ZYX: variants seen among roughly 807,000 people sequenced by gnomAD.
ZYX encodes the protein zyxin-2.
A neutral mutation model predicts 58.1 loss-of-function variants in ZYX; 37 were observed. The observed-to-expected ratio is 0.64, with a 90% CI of 0.49 to 0.84. The LOEUF is 0.84. ZYX is among the 40% of genes least tolerant of loss of function. The pLI is 0.00. For missense variants in ZYX, 762 were observed against 761.6 expected (o/e 1.00, Z -0.01); for synonymous variants, 324 against 321.1 (o/e 1.01, Z -0.10).
In ZYX at chr7:143,382,284, G is replaced by T. The variant is rs1804643369; in HGVS notation, c.245G>T (p.Gly82Val). 1 of 1,612,744 alleles carries T rather than the reference G, an allele frequency of 6.2e-7. No homozygotes were observed. The highest frequency in any genetic ancestry group is 1.3e-5 in the African/African-American group (1 of 74,854). Residue 82 changes from glycine (G) to valine (V), a missense_variant, in exon 3 of 10, where the codon GGC (glycine) becomes GTC (valine). Coordinates refer to ENST00000322764, the MANE Select transcript of ZYX (RefSeq NM_003461.5). ...CCTCCACCTCCCCTTGCTGGGGATG[G>T]CGACGATGCAGAGGGTGCTCTGGGA... ...PLPPPPLAGD[G>V]DDAEGALGGA...
At position 143,387,753 on chromosome 7, in the gene ZYX, C is replaced by G; in HGVS notation, c.1024-466C>G. Reference sequence around the variant, plus strand: ...AATTCCTGCCTGTGTTGTATCCTCACGCTGACAGGGGCTGCTCAGCAGCAG... The same window carrying G: ...AATTCCTGCCTGTGTTGTATCCTCAGGCTGACAGGGGCTGCTCAGCAGCAG... On this transcript the variant is annotated intron_variant, in intron 5 of 9. Transcript: ENST00000322764. The surrounding 1 kb of genome is among the most constrained non-coding windows in gnomAD (Gnocchi z 5.8). 3 of 471,822 alleles carry G rather than the reference C, an allele frequency of 6.4e-6. No individual in the cohort carries two copies. The highest frequency in any genetic ancestry group is 1.5e-5 in the South Asian group (1 of 64,574). The allele number at this position is 471,822 out of a possible 1,614,324, so 29.2% of individuals were successfully genotyped here.
chr7:143,383,557 G>T (rs1161597062), intron 5 of ZYX, among the ~76,000 whole-genome samples: 1 of 152,002 alleles, frequency 6.6e-6, no homozygotes, highest in Non-Finnish European at 1.5e-5. Flanking sequence ...TGGCTGGGAC[G>T]GCGCAGAGAG....
Position 143,381,414 on chromosome 7 carries a change from G to A in ZYX, c.-16+5G>A, listed in dbSNP as rs1804563145. The A allele has an allele frequency of 3.2e-6, 4 of 1,238,792 alleles. No individual in the cohort carries two copies. Among genetic ancestry groups the A allele is most frequent in the Non-Finnish European group, 4.0e-6 (4 of 990,224 alleles). 76.7% of individuals were successfully genotyped at this position (1,238,792 alleles called of 1,614,324 possible). On this transcript the variant is annotated splice_donor_5th_base_variant and intron_variant, in intron 1 of 9. Coordinates refer to ENST00000322764, the MANE Select transcript of ZYX (RefSeq NM_003461.5). The stretch of plus-strand genomic sequence containing the variant: ...GCGCGCACGCTCCGGCCTGCGGTGA[G>A]GCGCGGGGAGCGGCAGGGCGGCCCC...
Position 143,381,701 on chromosome 7 carries a change from A to G in ZYX, c.130A>G (p.Ser44Gly), listed in dbSNP as rs745914023. 1 of 1,605,568 alleles carries G rather than the reference A, an allele frequency of 6.2e-7. No homozygotes were observed. The highest frequency in any genetic ancestry group is 2.3e-5 in the East Asian group (1 of 44,384). Reference sequence around the variant, plus strand: ...AGTGAATCCCTTCCGGCCCGGGGACAGCGAGCCTCCCCCGGCACCCGGGGC... The same window carrying G: ...AGTGAATCCCTTCCGGCCCGGGGACGGCGAGCCTCCCCCGGCACCCGGGGC... ...PKVNPFRPGD[S>G]EPPPAPGAQR... The change falls in exon 2 of 10, where the codon AGC (serine) becomes GGC (glycine). Residue 44 changes from serine (S) to glycine (G), a missense_variant. Transcript: ENST00000322764.
Position 143,387,285 on chromosome 7 carries a change from G to C in ZYX, c.1024-934G>C, listed in dbSNP as rs1353465918. On this transcript the variant is annotated intron_variant, in intron 5 of 9. Coordinates refer to ENST00000322764, the MANE Select transcript of ZYX (RefSeq NM_003461.5). The surrounding 1 kb of genome is among the most constrained non-coding windows in gnomAD (Gnocchi z 5.8). ...TGAAGCCAGGGCTGAGGGGAGAGGG[G>C]CTATGGGAGGAGGTAGCAGGGGGGC... Among the ~76,000 whole-genome samples the C allele has an allele frequency of 1.3e-5, 2 of 152,094 alleles. No individual in the cohort carries two copies. The highest frequency in any genetic ancestry group is 4.8e-5 in the African/African-American group (2 of 41,394).
At chr7:143,383,947 T>A (rs1054035455) in intron 5 of ZYX, 1 of 253,602 alleles carries the variant, frequency 3.9e-6, no homozygotes, top group Non-Finnish European at 8.0e-6. Flanking sequence ...AGCCTCAGTT[T>A]CTCAATCTTT....
intron 2 of ZYX, 171 bp downstream of exon 2, chr7:143,381,950 G>T (rs1467968504): frequency 9.6e-6 from 7 of 729,128 alleles, no homozygotes; most frequent in Middle Eastern, 3.9e-4. Flanking sequence ...GGGAGCCAGG[G>T]CTCCTGGGAC....
At position 143,382,661 on chromosome 7, in the gene ZYX, C is replaced by G. The variant is rs930185841; in HGVS notation, c.477C>G (p.Thr159=). The G allele has an allele frequency of 6.2e-7, 1 of 1,614,012 alleles. No individual in the cohort carries two copies. Among genetic ancestry groups the G allele is most frequent in the Non-Finnish European group, 8.5e-7 (1 of 1,179,970 alleles). The stretch of plus-strand genomic sequence containing the variant: ...TGTCCTCACTGCTGGATGACATGAC[C>G]AAGAATGATCCTTTCAAAGCCCGGG... ...DSLSSLLDDM[T]KNDPFKARVS... The change falls in exon 4 of 10, where the codon ACC becomes ACG. Residue 159 remains threonine (T), a synonymous_variant. Transcript: ENST00000322764.
rs1290865440 is a variant in ZYX at position 143,383,227 on chromosome 7, C to G, written c.928C>G (p.Gln310Glu). 2 of 1,614,078 alleles carry G rather than the reference C, an allele frequency of 1.2e-6. No individual in the cohort carries two copies. The highest frequency in any genetic ancestry group is 2.7e-5 in the African/African-American group (2 of 74,936). The change falls in exon 5 of 10, where the codon CAA (glutamine) becomes GAA (glutamate). Residue 310 changes from glutamine to glutamate, a missense_variant. Transcript: ENST00000322764. The stretch of plus-strand genomic sequence containing the variant: ...TCTTTCTGCTGGCACAGGCTCCCCT[C>G]AACCTCCCAGCTTCACCTATGCCCA... The part of the protein sequence containing the change: ...EALSAGTGSP[Q>E]PPSFTYAQQR...
At chr7:143,381,864 G>A in intron 2 of ZYX, 85 bp downstream of exon 2, 1 of 1,326,846 alleles carries the variant, frequency 7.5e-7, no homozygotes, top group East Asian at 2.5e-5. Context: ...TGTCTGGAAA[G>A]GTTGTTGCCG....
In ZYX at chr7:143,381,765, C is replaced by T. The variant is rs1351154192; in HGVS notation, c.194C>T (p.Pro65Leu). 1.9e-6 allele frequency: 3 copies of T among 1,577,096 alleles called. No homozygotes were observed. The South Asian group carries it at 3.4e-5, about 18-fold the overall frequency. ...AQMGRVGEIP[P>L]PPPEDFPLPP... ...ATGGGCCGGGTGGGCGAGATTCCCCCGCCGCCCCCGGAAGGTATGCGGCGG... is the reference window on the plus strand; with the variant it reads ...ATGGGCCGGGTGGGCGAGATTCCCCTGCCGCCCCCGGAAGGTATGCGGCGG... Residue 65 changes from proline to leucine, a missense_variant, in exon 2 of 10, where the codon CCG becomes CTG. By Grantham distance (98) the Pro-to-Leu change is moderately conservative. Coordinates refer to ENST00000322764, the MANE Select transcript of ZYX (RefSeq NM_003461.5).
At position 143,390,207 on chromosome 7, in the gene ZYX, G is replaced by A; in HGVS notation, c.1614+230G>A. On this transcript the variant is annotated intron_variant, in intron 9 of 9. Coordinates refer to ENST00000322764, the MANE Select transcript of ZYX (RefSeq NM_003461.5). The surrounding 1 kb of genome is among the most constrained non-coding windows in gnomAD (Gnocchi z 4.3). ...TTGAGTCATGGATAAGCCAAGAAAT[G>A]GGACAAGCCAATAGGAGAGAAGAAG... 1.7e-6 allele frequency: 1 copy of A among 584,160 alleles called. No individual in the cohort carries two copies. The highest frequency in any genetic ancestry group is 3.0e-6 in the Non-Finnish European group (1 of 333,314). The allele number at this position is 584,160 out of a possible 1,614,324, so 36.2% of individuals were successfully genotyped here.
At chr7:143,385,575 CACAT>C (rs1339646096) in intron 5 of ZYX, among the ~76,000 whole-genome samples, 5 of 148,366 alleles carry the variant, frequency 3.4e-5, no homozygotes, top group South Asian at 2.2e-4. Context: ...AGTGAAGGTG[CACAT>C]ACATACTTTC....
Position 143,382,825 on chromosome 7 carries a change from C to T in ZYX, c.526C>T (p.Pro176Ser). The change falls in exon 5 of 10, where the codon CCA becomes TCA. Residue 176 changes from proline to serine, a missense_variant. Transcript: ENST00000322764. ...GGTGTCATCTGGATATGTGCCCCCA[C>T]CAGTGGCCACTCCATTCAGTTCCAA... ...ARVSSGYVPP[P>S]VATPFSSKSS... The T allele has an allele frequency of 1.2e-6, 2 of 1,606,782 alleles. No individual in the cohort carries two copies. Among genetic ancestry groups the T allele is most frequent in the Non-Finnish European group, 1.7e-6 (2 of 1,176,006 alleles).
At position 143,383,133 on chromosome 7, in the gene ZYX, C is replaced by T. The variant is rs148003080; in HGVS notation, c.834C>T (p.Ser278=). The T allele has an allele frequency of 6.2e-7, 1 of 1,614,100 alleles. No individual in the cohort carries two copies. Among genetic ancestry groups the T allele is most frequent in the African/African-American group, 1.3e-5 (1 of 74,924 alleles). The change falls in exon 5 of 10, where the codon TCC becomes TCT. Residue 278 remains serine (S), a synonymous_variant. Transcript: ENST00000322764. The part of the protein sequence containing the change: ...PVTPKFTPVA[S]KFSPGAPGGS... ...CTCCTAAGTTTACTCCTGTGGCTTC[C>T]AAGTTCAGTCCTGGAGCCCCAGGTG...
chr7:143,382,044 C>A, intron 2 of ZYX: 2 of 604,976 alleles, frequency 3.3e-6, no homozygotes, highest in Non-Finnish European at 5.7e-6. Flanking sequence ...CGAAGTGTAA[C>A]GGGAGCTGCA....
At chr7:143,383,453 A>G (rs2116567115) in intron 5 of ZYX, 131 bp downstream of exon 5, 1 of 1,186,796 alleles carries the variant, frequency 8.4e-7, no homozygotes, top group African/African-American at 1.5e-5. Context: ...GCGGGATAGG[A>G]ATTTTCATCC....
Position 143,389,034 on chromosome 7 carries a change from A to G in ZYX, c.1493+89A>G, listed in dbSNP as rs1804974612. The G allele has an allele frequency of 6.9e-7, 1 of 1,452,692 alleles. No individual in the cohort carries two copies. Among genetic ancestry groups the G allele is most frequent in the African/African-American group, 1.4e-5 (1 of 71,026 alleles). 90.0% of individuals were successfully genotyped at this position (1,452,692 alleles called of 1,614,324 possible). A position where few individuals can be genotyped will look rare whatever the true frequency, so the allele number is the denominator to read the frequency against. On this transcript the variant is annotated intron_variant, in intron 8 of 9. Transcript: ENST00000322764. The surrounding 1 kb of genome is among the most constrained non-coding windows in gnomAD (Gnocchi z 5.6). ...CTACCCTAGCCTCAGGACAGCCCCA[A>G]ACCCCTGGTGGTGTTTTCTGGTCCC...
Position 143,382,502 on chromosome 7 carries a change from A to G in ZYX, c.408+55A>G, listed in dbSNP as rs1804664369. 5 of 1,586,440 alleles carry G rather than the reference A, an allele frequency of 3.2e-6. No homozygotes were observed. The South Asian group carries it at 4.4e-5, about 14-fold the overall frequency. On this transcript the variant is annotated intron_variant, in intron 3 of 9. Coordinates refer to ENST00000322764, the MANE Select transcript of ZYX (RefSeq NM_003461.5). ...TGGACACCCCCAAGGAGAGGAGAAG[A>G]GGGCCCTTTCTTCTTACCTCCCCTG...
Sources: allele counts gnomAD v4.1 joint callset (sites outside exome capture counted in the v4.1 genomes callset), GRCh38; gene constraint gnomAD v4.1.1; non-coding constraint Gnocchi (gnomAD v3.1); transcripts MANE v1.5; gene names NCBI Gene and HGNC (gene_info 2026-07-23, HGNC 2026-07-21).